The following FKTN variants were observed in gnomAD, a reference collection of about 807,000 sequenced individuals.
The protein encoded by FKTN is ribitol-5-phosphate transferase FKTN.
A neutral mutation model predicts 58.6 loss-of-function variants in FKTN; 47 were observed. The ratio of observed to expected loss-of-function variants is 0.80; its 90% CI spans 0.63 to 1.02. The LOEUF (loss-of-function observed/expected upper bound fraction) is 1.02. Ranked by LOEUF, FKTN falls within the 50% of genes least tolerant of loss-of-function variation. FKTN has a pLI of 0.00. For missense variants in FKTN, 516 were observed against 537.3 expected, an observed-to-expected ratio of 0.96 and a Z score of 0.39; for synonymous variants, 178 against 191.9, an observed-to-expected ratio of 0.93 and a Z score of 0.60.
chr9:105,593,881 T>C (rs887926662), intron 3 of FKTN, among the ~76,000 whole-genome samples: 1 of 152,162 alleles, frequency 6.6e-6, no homozygotes. Flanking sequence ...GCAGAGTGAA[T>C]TTAAAATGAA....
At position 105,592,653 on chromosome 9, in the gene FKTN, G is replaced by T. The variant is rs187499804; in HGVS notation, c.106-3945G>T. Among the ~76,000 whole-genome samples the T allele has an allele frequency of 1.3e-4, 20 of 152,204 alleles. No individual in the cohort carries two copies. In the East Asian group the frequency reaches 2.1e-3, roughly 16 times the overall value. Reference sequence around the variant, plus strand: ...CTCTGTCTCAAAAAAAAGAAAAAAAGAAATTTCTTCTTCCAGGTACCCTAA... The same window carrying T: ...CTCTGTCTCAAAAAAAAGAAAAAAATAAATTTCTTCTTCCAGGTACCCTAA... On this transcript the variant is annotated intron_variant, in intron 3 of 10. Coordinates refer to ENST00000357998, the MANE Select transcript of FKTN (RefSeq NM_001079802.2).
At position 105,605,275 on chromosome 9, in the gene FKTN, A is replaced by T. The variant is rs915894956; in HGVS notation, c.647+783A>T. Among the ~76,000 whole-genome samples the T allele has an allele frequency of 1.2e-4, 18 of 152,296 alleles. 1 individual carries two copies. The South Asian group carries it at 1.9e-3, about 16-fold the overall frequency. ...TTTTTGAACAGAAATAATATGGATT[A>T]TAAGACAGTATATTGATTTTTGCTG... is the stretch of plus-strand genomic sequence containing the variant. On this transcript the variant is annotated intron_variant, in intron 6 of 10. Coordinates refer to ENST00000357998, the MANE Select transcript of FKTN (RefSeq NM_001079802.2).
At chr9:105,558,400 G>A (rs974500973) in intron 1 of FKTN, among the ~76,000 whole-genome samples, 4 of 152,212 alleles carry the variant, frequency 2.6e-5, no homozygotes, top group African/African-American at 9.6e-5. Flanking sequence ...GCACTTCTGG[G>A]CGTGTCATCA....
At chr9:105,598,773 G>A (rs1827285417) in intron 4 of FKTN, 1 of 152,068 alleles carries the variant, frequency 6.6e-6, no homozygotes, top group Non-Finnish European at 1.5e-5. Flanking sequence ...GAAGCTATAA[G>A]TGTGTTCATC....
chr9:105,585,585 C>T (rs757950581), intron 3 of FKTN, among the ~76,000 whole-genome samples: 4 of 152,132 alleles, frequency 2.6e-5, no homozygotes, highest in Non-Finnish European at 4.4e-5. Flanking sequence ...TTACACGCAG[C>T]GTTTTTGAAC....
At chr9:105,603,487 G>A (rs1372491234) in intron 5 of FKTN, among the ~76,000 whole-genome samples, 1 of 152,172 alleles carries the variant, frequency 6.6e-6, no homozygotes, top group Non-Finnish European at 1.5e-5. Flanking sequence ...TAAACTATGA[G>A]ATGAAAGAAC....
rs1833971507 is a variant in FKTN, at chr9:105,635,538, T to C, written c.*274T>C. 3 of 1,313,926 alleles carry C rather than the reference T, an allele frequency of 2.3e-6. No homozygotes were observed. Among genetic ancestry groups the C allele is most frequent in the Non-Finnish European group, 2.9e-6 (3 of 1,026,244 alleles). 81.4% of individuals were successfully genotyped at this position (1,313,926 alleles called of 1,614,324 possible). A position where few individuals can be genotyped will look rare whatever the true frequency, so the allele number is the denominator to read the frequency against. ...CTCCTTTTGGTAAACAACTCAATTT[T>C]CCTTTGAGGGAACCCTCCCCCACCC... On this transcript the variant is annotated 3_prime_UTR_variant, in exon 11 of 11. Coordinates refer to ENST00000357998, the MANE Select transcript of FKTN (RefSeq NM_001079802.2).
intron 3 of FKTN, among the ~76,000 whole-genome samples, chr9:105,587,464 C>T (rs996206605): frequency 2.0e-5 from 3 of 152,168 alleles, no homozygotes; most frequent in African/African-American, 7.2e-5. Context: ...TGGTTAGTTA[C>T]TTGCTAAAAT....
intron 7 of FKTN, among the ~76,000 whole-genome samples, chr9:105,611,506 C>T (rs937456201): frequency 8.5e-5 from 13 of 152,160 alleles, no homozygotes; most frequent in Middle Eastern, 3.4e-3. Flanking sequence ...CTTTCTCCTC[C>T]CACCCTCCAA....
intron 3 of FKTN, among the ~76,000 whole-genome samples, chr9:105,596,378 C>A (rs958176943): frequency 2.8e-4 from 42 of 152,174 alleles, no homozygotes; most frequent in African/African-American, 1.0e-3. Flanking sequence ...TATTTAATAA[C>A]TTAATTAACT....
At chr9:105,577,503 G>T (rs1218129722) in intron 3 of FKTN, among the ~76,000 whole-genome samples, 2 of 144,946 alleles carry the variant, frequency 1.4e-5, no homozygotes, top group Non-Finnish European at 3.0e-5. Context: ...ATTTCTGAGG[G>T]CTCTGTTCTG....
rs1834226479 is a variant in FKTN, at chr9:105,638,754, TA to T, written c.*3492del. The T allele has an allele frequency of 2.1e-6, 2 of 972,484 alleles. No homozygotes were observed. The highest frequency in any genetic ancestry group is 3.5e-5 in the African/African-American group (2 of 57,000). 60.2% of individuals were successfully genotyped at this position (972,484 alleles called of 1,614,324 possible). ...TAGTTTTTAGTATTTAAACTACTTT[TA>T]ATTATTTATATTGATACTCTCTGAT... On this transcript the variant is annotated 3_prime_UTR_variant, in exon 11 of 11. Coordinates refer to ENST00000357998, the MANE Select transcript of FKTN (RefSeq NM_001079802.2).
chr9:105,592,319 C>A lies in FKTN; in HGVS notation c.106-4279C>A, dbSNP rs370164495. ...CATAGGTTGTTAGAAGCAGCCAGGCCAGATCTTGAACTCTTTGCTGCTTAG... is the reference window on the plus strand; with the variant it reads ...CATAGGTTGTTAGAAGCAGCCAGGCAAGATCTTGAACTCTTTGCTGCTTAG... On this transcript the variant is annotated intron_variant, in intron 3 of 10. Coordinates refer to ENST00000357998, the MANE Select transcript of FKTN (RefSeq NM_001079802.2). Among the ~76,000 whole-genome samples the A allele has an allele frequency of 4.1e-4, 63 of 152,242 alleles. No individual in the cohort carries two copies. The South Asian group carries it at 0.013, about 31-fold the overall frequency.
chr9:105,630,478 G>C (rs933201271), intron 10 of FKTN, among the ~76,000 whole-genome samples: 1 of 152,090 alleles, frequency 6.6e-6, no homozygotes, highest in Non-Finnish European at 1.5e-5. Context: ...AACCTAGAAA[G>C]TTTGCTGCAA....
At chr9:105,576,631 TG>T (rs1386567807) in intron 3 of FKTN, among the ~76,000 whole-genome samples, 2 of 120,342 alleles carry the variant, frequency 1.7e-5, no homozygotes, top group Non-Finnish European at 3.3e-5. Flanking sequence ...TAAACATACG[TG>T]TGCATGTGTC....
chr9:105,635,110 T>C lies in FKTN; in HGVS notation c.1232T>C (p.Val411Ala), dbSNP rs1213906013. Reference sequence around the variant, plus strand: ...GAGTTTGTAGACATGAAGGTCCATGTACCCTGTGAAACCCTCGAATACATT... The same window carrying C: ...GAGTTTGTAGACATGAAGGTCCATGCACCCTGTGAAACCCTCGAATACATT... ...WTEFVDMKVHVPCETLEYIEA... is the reference protein window; with the variant it reads ...WTEFVDMKVHAPCETLEYIEA... Residue 411 changes from valine (V) to alanine (A), a missense_variant, in exon 11 of 11, where the codon GTA becomes GCA. Val to Ala is a moderately conservative substitution (Grantham distance 64, BLOSUM62 0). Coordinates refer to ENST00000357998, the MANE Select transcript of FKTN (RefSeq NM_001079802.2). 6.2e-7 allele frequency: 1 copy of C among 1,614,160 alleles called. No individual in the cohort carries two copies. Among genetic ancestry groups the C allele is most frequent in the East Asian group, 2.2e-5 (1 of 44,882 alleles).
In FKTN at chr9:105,619,894, C is replaced by A. The variant is rs145883833; in HGVS notation, c.1045-40C>A. The stretch of plus-strand genomic sequence containing the variant: ...AAAAAAGGTTTTTAAAAATGTATTT[C>A]CTTTGTTTCAGTGTGTGAAGGTTTT... On this transcript the variant is annotated intron_variant, in intron 9 of 10. Coordinates refer to ENST00000357998, the MANE Select transcript of FKTN (RefSeq NM_001079802.2). 3.9e-3 allele frequency: 6,153 copies of A among 1,572,446 alleles called. 29 individuals carry two copies. Among genetic ancestry groups the A allele is most frequent in the South Asian group, 8.1e-3 (704 of 86,856 alleles).
At chr9:105,605,128 AT>A (rs1044978244) in intron 6 of FKTN, among the ~76,000 whole-genome samples, 17 of 151,952 alleles carry the variant, frequency 1.1e-4, no homozygotes, top group Admixed American at 5.9e-4. Flanking sequence ...TATTATTATT[AT>A]TTTTTTCCAT....
At chr9:105,580,041 A>G (rs1299912976) in intron 3 of FKTN, among the ~76,000 whole-genome samples, 1 of 151,258 alleles carries the variant, frequency 6.6e-6, no homozygotes, top group Non-Finnish European at 1.5e-5. Flanking sequence ...CCATCCTTTT[A>G]TTTTGAGCCT....
Sources: allele counts gnomAD v4.1 joint callset (sites outside exome capture counted in the v4.1 genomes callset), GRCh38; gene constraint gnomAD v4.1.1; transcripts MANE v1.5; gene names NCBI Gene and HGNC (gene_info 2026-07-23, HGNC 2026-07-21).